The following MTA3 variants were observed in gnomAD, a reference collection of about 807,000 sequenced individuals.
MTA3 encodes metastasis associated 1 family member 3, also known as metastasis-associated protein MTA3.
A neutral mutation model predicts 83.5 loss-of-function variants in MTA3; 34 were observed. The observed-to-expected ratio is 0.41, with a 90% confidence interval of 0.31 to 0.54. MTA3 has a LOEUF of 0.54. Ranked by LOEUF, MTA3 falls within the 20% of genes least tolerant of loss-of-function variation. The probability of loss-of-function intolerance (pLI) is 0.33; values close to 1 mark genes in which losing one functional copy is unlikely to be tolerated. For synonymous variants in MTA3, 303 were observed against 252.7 expected (o/e 1.20, Z -1.89); for missense variants, 761 against 726.4 (o/e 1.05, Z -0.55).
At chr2:42,545,965 A>C (rs1046359290) in intron 2 of MTA3, among the ~76,000 whole-genome samples, 10 of 152,216 alleles carry the variant, frequency 6.6e-5, no homozygotes, top group Admixed American at 2.6e-4. Flanking sequence ...AAAGATTTCA[A>C]GAAATGAAAG....
intron 8 of MTA3, among the ~76,000 whole-genome samples, chr2:42,664,466 CTTTTTTTTT>C (rs35633597): frequency 7.0e-5 from 6 of 85,746 alleles, no homozygotes; most frequent in South Asian, 8.7e-4. Context: ...CCCCGCTTAC[CTTTTTTTTT>C]TTTTTTTTTT....
chr2:42,638,173 C>G (rs899155305), intron 4 of MTA3, among the ~76,000 whole-genome samples: 1 of 151,636 alleles, frequency 6.6e-6, no homozygotes, highest in African/African-American at 2.4e-5. Context: ...GATTGAGTAT[C>G]AAATGTTAGA....
intron 3 of MTA3, among the ~76,000 whole-genome samples, chr2:42,600,121 C>T (rs1201180974): frequency 6.6e-6 from 1 of 152,086 alleles, no homozygotes; most frequent in Admixed American, 6.6e-5. Context: ...TCGCTTGAAC[C>T]CAGGAGGCAG....
intron 2 of MTA3, among the ~76,000 whole-genome samples, chr2:42,544,075 C>T (rs921384192): frequency 3.9e-5 from 6 of 152,060 alleles, no homozygotes; most frequent in African/African-American, 1.4e-4. Flanking sequence ...CAGTTTAGTT[C>T]GCCTGCAAGG....
chr2:42,574,191 A>G (rs1173810467), intron 2 of MTA3, among the ~76,000 whole-genome samples: 1 of 137,864 alleles, frequency 7.3e-6, no homozygotes, highest in African/African-American at 2.8e-5. Flanking sequence ...CTGGAGTACA[A>G]TGGTGCAACC....
intron 12 of MTA3, among the ~76,000 whole-genome samples, chr2:42,704,673 A>G (rs960219982): frequency 6.6e-5 from 10 of 152,168 alleles, no homozygotes; most frequent in African/African-American, 2.4e-4. Context: ...TTCTCAGTAT[A>G]CTTTGACAAA....
At chr2:42,658,681 G>A (rs1316070846) in intron 7 of MTA3, among the ~76,000 whole-genome samples, 1 of 152,128 alleles carries the variant, frequency 6.6e-6, no homozygotes, top group Admixed American at 6.6e-5. Flanking sequence ...TTCTTGAACT[G>A]TATGTTGGTG....
chr2:42,680,472 C>T (rs1028955446), intron 8 of MTA3, among the ~76,000 whole-genome samples: 5 of 152,050 alleles, frequency 3.3e-5, no homozygotes, highest in Non-Finnish European at 5.9e-5. Flanking sequence ...AGATACTTTG[C>T]GTAAAAGGTG....
intron 4 of MTA3, among the ~76,000 whole-genome samples, chr2:42,623,101 G>A (rs769653469): frequency 1.8e-4 from 27 of 152,262 alleles, no homozygotes; most frequent in Non-Finnish European, 1.5e-5. Context: ...GGTATATGGT[G>A]GGCGTGTCTT....
chr2:42,615,106 C>T (rs913995723), intron 4 of MTA3, among the ~76,000 whole-genome samples: 31 of 151,934 alleles, frequency 2.0e-4, no homozygotes, highest in East Asian at 1.9e-4. Context: ...GCCTGGCCAA[C>T]GTGGCGAAAC....
intron 2 of MTA3, among the ~76,000 whole-genome samples, chr2:42,577,863 A>G (rs138649325): frequency 6.6e-6 from 1 of 152,308 alleles, no homozygotes; most frequent in Non-Finnish European, 1.5e-5. Flanking sequence ...AGAAGACAGA[A>G]ATGACTAAGA....
At chr2:42,626,354 G>A (rs893878376) in intron 4 of MTA3, among the ~76,000 whole-genome samples, 3 of 151,802 alleles carry the variant, frequency 2.0e-5, no homozygotes, top group South Asian at 4.1e-4. Flanking sequence ...CTGGAGTGCA[G>A]TGGTGTAATC....
At chr2:42,529,077 T>C (rs1675844653) in intron 2 of MTA3, among the ~76,000 whole-genome samples, 1 of 152,220 alleles carries the variant, frequency 6.6e-6, no homozygotes. Context: ...ACTTAAAATA[T>C]GTAGGAGGCA....
Position 42,596,826 on chromosome 2 carries a change from A to AT in MTA3, c.191-12622dup, listed in dbSNP as rs934481356. 1.2e-3 allele frequency among the ~76,000 whole-genome samples: 182 copies of AT among 149,296 alleles called. 2 individuals carry two copies. The highest frequency in any genetic ancestry group is 4.1e-3 in the African/African-American group (167 of 40,788). ...GTGACTAGTTGATTGAAAATCCTTA[A>AT]TTTTTTTTTTGCTGTCTGTGGACTT... On this transcript the variant is annotated intron_variant, in intron 3 of 16. Coordinates refer to ENST00000405094, the MANE Select transcript of MTA3 (RefSeq NM_001330442.2).
At chr2:42,682,932 C>T (rs1386922350) in intron 9 of MTA3, among the ~76,000 whole-genome samples, 1 of 152,020 alleles carries the variant, frequency 6.6e-6, no homozygotes, top group Non-Finnish European at 1.5e-5. Context: ...ACTCGCTGGG[C>T]GTGGTGGCAC....
chr2:42,661,090 G>A (rs999460673), intron 8 of MTA3, among the ~76,000 whole-genome samples: 1 of 152,164 alleles, frequency 6.6e-6, no homozygotes, highest in African/African-American at 2.4e-5. Context: ...GTTCATAGAA[G>A]AAAGTTTTGT....
rs113210289 is a variant in MTA3, at chr2:42,504,270, C to T, written c.-141+9016C>T. On this transcript the variant is annotated intron_variant, in intron 2 of 17. Transcript: ENST00000405592. Reference sequence around the variant, plus strand: ...TTTTTTTGAGTCTATCAAAAGACTTCGCTCTGTCATCCAAGCTGGAGTCTA... The same window carrying T: ...TTTTTTTGAGTCTATCAAAAGACTTTGCTCTGTCATCCAAGCTGGAGTCTA... Among the ~76,000 whole-genome samples, 1,448 of 151,482 alleles carry T rather than the reference C, an allele frequency of 9.6e-3. 15 individuals are homozygous for T. The highest frequency in any genetic ancestry group is 0.029 in the African/African-American group (1,197 of 41,316).
At chr2:42,615,582 A>T (rs1194529271) in intron 4 of MTA3, among the ~76,000 whole-genome samples, 2 of 151,584 alleles carry the variant, frequency 1.3e-5, no homozygotes, top group African/African-American at 4.8e-5. Context: ...TCTTGATCTC[A>T]TGACCTTGTG....
chr2:42,756,831 T>C lies in MTA3; in HGVS notation c.*3432T>C, dbSNP rs1670272677. ...GAGCACGCACCTGTGCTCATGAGTG[T>C]TTCCGCAGGATAATTCGTTCTGAGC... is the stretch of plus-strand genomic sequence containing the variant. On this transcript the variant is annotated 3_prime_UTR_variant, in exon 17 of 17. Transcript: ENST00000405094. 2.0e-6 allele frequency: 2 copies of C among 985,450 alleles called. No individual in the cohort carries two copies. Among genetic ancestry groups the C allele is most frequent in the Non-Finnish European group, 2.4e-6 (2 of 829,938 alleles). The allele number at this position is 985,450 out of a possible 1,614,324, so 61.0% of individuals were successfully genotyped here.
Sources: gnomAD v4.1 joint callset for allele counts (sites outside exome capture counted in the v4.1 genomes callset) on GRCh38, gnomAD v4.1.1 for gene constraint, MANE v1.5 for transcripts, NCBI Gene and HGNC (gene_info 2026-07-23, HGNC 2026-07-21) for gene names.